KLHDC2: variants seen among roughly 807,000 people sequenced by gnomAD.
KLHDC2 encodes kelch domain-containing protein 2.
KLHDC2 carries 38 observed loss-of-function variants against 62.3 expected under a neutral mutation model. The observed-to-expected ratio is 0.61, with a 90% CI of 0.47 to 0.80. The LOEUF (loss-of-function observed/expected upper bound fraction) is 0.80. Among genes scored for constraint, KLHDC2 ranks in the 30% least tolerant of loss-of-function variants. The pLI is 0.00. For synonymous variants in KLHDC2, 159 were observed against 161.0 expected, an observed-to-expected ratio of 0.99 and a Z score of 0.09; for missense variants, 430 against 495.3, an observed-to-expected ratio of 0.87 and a Z score of 1.25.
In KLHDC2 at chr14:49,778,090, A is replaced by G. The variant is rs141309033; in HGVS notation, c.468-88A>G. ...AAGATTAACTGAATTAATACATGAAAGCATTTAACACAGCACCTAAGATAA... is the reference window on the plus strand; with the variant it reads ...AAGATTAACTGAATTAATACATGAAGGCATTTAACACAGCACCTAAGATAA... On this transcript the variant is annotated intron_variant, in intron 4 of 12. Coordinates refer to ENST00000298307, the MANE Select transcript of KLHDC2 (RefSeq NM_014315.3). 3.1e-3 allele frequency: 2,987 copies of G among 957,100 alleles called. 13 individuals carry two copies. Among genetic ancestry groups the G allele is most frequent in the Admixed American group, 4.9e-3 (236 of 47,846 alleles). 59.3% of individuals were successfully genotyped at this position (957,100 alleles called of 1,614,324 possible). A position where few individuals can be genotyped will look rare whatever the true frequency, so the allele number is the denominator to read the frequency against.
chr14:49,782,484 C>G (rs759652534), intron 11 of KLHDC2, 27 bp downstream of exon 11: 2 of 1,596,492 alleles, frequency 1.3e-6, no homozygotes, highest in Admixed American at 3.4e-5. Context: ...CACATTATTA[C>G]TGAAACTTAC....
At chr14:49,774,009 G>A (rs1189813602) in intron 2 of KLHDC2, among the ~76,000 whole-genome samples, 1 of 152,144 alleles carries the variant, frequency 6.6e-6, no homozygotes. Context: ...GATTCCTTAG[G>A]TTGATTCAGA....
rs1033439702 is a variant in KLHDC2, at chr14:49,781,717, T to C, written c.957-653T>C. Among the ~76,000 whole-genome samples the C allele has an allele frequency of 2.7e-5, 4 of 150,252 alleles. No individual in the cohort carries two copies. The East Asian group carries it at 7.8e-4, about 29-fold the overall frequency. ...GTCTCTTAAAAAAAAAAAAAATACA[T>C]GGGGAAAAAACAAGAACTGTCAATT... On this transcript the variant is annotated intron_variant, in intron 10 of 12. Transcript: ENST00000298307.
chr14:49,782,164 C>T, intron 10 of KLHDC2: 1 of 524,118 alleles, frequency 1.9e-6, no homozygotes, highest in Non-Finnish European at 3.4e-6. Context: ...ATGAGAACGA[C>T]CAGAGAGAGA....
chr14:49,778,002 T>C (rs764923334), intron 4 of KLHDC2, 48 bp downstream of exon 4: 10 of 1,188,358 alleles, frequency 8.4e-6, no homozygotes, highest in Non-Finnish European at 1.2e-5. Context: ...TAAAGTGGTT[T>C]ACCATTCAGG....
chr14:49,773,658 G>C (rs1179058169), intron 2 of KLHDC2, among the ~76,000 whole-genome samples: 2 of 147,234 alleles, frequency 1.4e-5, no homozygotes, highest in Admixed American at 6.9e-5. Flanking sequence ...CTCGCTGCAA[G>C]CTCCGCCTCC....
intron 2 of KLHDC2, among the ~76,000 whole-genome samples, chr14:49,773,971 GAGTATACTAT>G (rs1889719510): frequency 6.6e-6 from 1 of 152,174 alleles, no homozygotes; most frequent in South Asian, 2.1e-4. Flanking sequence ...AGAAGACCTT[GAGTATACTAT>G]TAGAATTTTA....
rs1275319462 is a variant in KLHDC2 at position 49,779,658 on chromosome 14, T to A, written c.697T>A (p.Phe233Ile). 6.2e-7 allele frequency: 1 copy of A among 1,614,132 alleles called. No individual in the cohort carries two copies. The highest frequency in any genetic ancestry group is 8.5e-7 in the Non-Finnish European group (1 of 1,179,976). ...AACTGTCGGAAATAGAGGCTTCGTG[T>A]TTGGAGGCAGATATCGAGTAAGTAT... ...CATVGNRGFV[F>I]GGRYRDARMN... Residue 233 changes from phenylalanine (F) to isoleucine (I), a missense_variant, in exon 7 of 13, where the codon TTT (phenylalanine) becomes ATT (isoleucine). Physicochemically the swap from Phe to Ile is conservative, Grantham distance 21 (BLOSUM62 0). Coordinates refer to ENST00000298307, the MANE Select transcript of KLHDC2 (RefSeq NM_014315.3).
chr14:49,772,271 G>C (rs182475870), intron 2 of KLHDC2, among the ~76,000 whole-genome samples: 1 of 152,126 alleles, frequency 6.6e-6, no homozygotes, highest in African/African-American at 2.4e-5. Flanking sequence ...ATGATCTCTT[G>C]AATAAGGAAA....
chr14:49,771,852 C>G (rs938508070), intron 2 of KLHDC2, among the ~76,000 whole-genome samples, 179 bp downstream of exon 2: 2 of 152,036 alleles, frequency 1.3e-5, no homozygotes, highest in Non-Finnish European at 2.9e-5. Flanking sequence ...AAAAATTAGC[C>G]AGGCATGGTG....
In KLHDC2 at chr14:49,782,594, G is replaced by GGTAA. The variant is rs775587169; in HGVS notation, c.1097+5_1097+8dup. 4 of 1,599,044 alleles carry GGTAA rather than the reference G, an allele frequency of 2.5e-6. No homozygotes were observed. The East Asian group carries it at 6.7e-5, about 27-fold the overall frequency. Reference sequence around the variant, plus strand: ...TCAGTTCAACCAAAATCTCTTGTACGGTAAGTAACTTTGTACTTGGCACTT... The same window carrying GGTAA: ...TCAGTTCAACCAAAATCTCTTGTACGGTAAGTAAGTAACTTTGTACTTGGCACTT... On this transcript the variant is annotated stop_gained and frameshift_variant and splice_region_variant. Transcript: ENST00000298307. LOFTEE classifies it high-confidence loss of function.
chr14:49,777,264 G>C (rs1594702164), intron 3 of KLHDC2, among the ~76,000 whole-genome samples: 1 of 152,166 alleles, frequency 6.6e-6, no homozygotes, highest in South Asian at 2.1e-4. Context: ...GTGATAGATG[G>C]GTGAGGGATA....
chr14:49,780,644 C>A, intron 9 of KLHDC2, 59 bp from the exon 10 acceptor site: 1 of 1,118,070 alleles, frequency 8.9e-7, no homozygotes, highest in Non-Finnish European at 1.4e-6. Flanking sequence ...AAGCTGTGCC[C>A]TTTAAATGTC....
At chr14:49,768,679 C>T (rs1289476036) in intron 1 of KLHDC2, 58 bp downstream of exon 1, 1 of 1,458,832 alleles carries the variant, frequency 6.9e-7, no homozygotes, top group Non-Finnish European at 9.1e-7. Context: ...GGTCTGCGTT[C>T]GCGGCCAGGC....
At chr14:49,768,797 T>G in intron 1 of KLHDC2, 176 bp downstream of exon 1, 1 of 589,570 alleles carries the variant, frequency 1.7e-6, no homozygotes, top group Non-Finnish European at 2.8e-6. Flanking sequence ...ATCTTCCTTC[T>G]CTCGAGTACC....
intron 3 of KLHDC2, among the ~76,000 whole-genome samples, chr14:49,775,974 G>A (rs1439789870): frequency 2.0e-5 from 3 of 152,132 alleles, no homozygotes; most frequent in Non-Finnish European, 2.9e-5. Context: ...ATATGTGGCT[G>A]AGATGGTTTC....
At position 49,768,481 on chromosome 14, in the gene KLHDC2, A is replaced by G; in HGVS notation, c.13A>G (p.Asn5Asp). 2 of 1,610,128 alleles carry G rather than the reference A, an allele frequency of 1.2e-6. No individual in the cohort carries two copies. The highest frequency in any genetic ancestry group is 8.5e-7 in the Non-Finnish European group (1 of 1,178,670). The change falls in exon 1 of 13, where the codon AAC becomes GAC. Residue 5 changes from asparagine (N) to aspartate (D), a missense_variant. Transcript: ENST00000298307. ...GTGCAGCCTCAAGATGGCTGATGGCAACGAGGATCTGCGGGCTGACGACTT... is the reference window on the plus strand; with the variant it reads ...GTGCAGCCTCAAGATGGCTGATGGCGACGAGGATCTGCGGGCTGACGACTT... MADG[N>D]EDLRADDLPG...
At chr14:49,771,771 C>T (rs998384388) in intron 2 of KLHDC2, 98 bp downstream of exon 2, 6 of 661,678 alleles carry the variant, frequency 9.1e-6, no homozygotes, top group African/African-American at 1.8e-5. Flanking sequence ...GGGAGGCCAA[C>T]GCGGGCGGAT....
At chr14:49,775,500 T>C (rs768547565) in intron 3 of KLHDC2, among the ~76,000 whole-genome samples, 8 of 152,130 alleles carry the variant, frequency 5.3e-5, no homozygotes, top group Non-Finnish European at 8.8e-5. Context: ...ACTTTGACAT[T>C]GTATTTGGTG....
Sources: allele counts gnomAD v4.1 joint callset (sites outside exome capture counted in the v4.1 genomes callset), GRCh38; gene constraint gnomAD v4.1.1; transcripts MANE v1.5; gene names NCBI Gene and HGNC (gene_info 2026-07-23, HGNC 2026-07-21).